Variants in ULK4 observed in about 807,000 individuals in gnomAD.
The protein encoded by ULK4 is inactive serine/threonine-protein kinase ULK4.
Under a neutral mutation model 160.6 loss-of-function variants are expected in ULK4, and 133 were observed. That is an observed-to-expected ratio of 0.83 (90% CI 0.72 to 0.96). ULK4 has a LOEUF of 0.96. Among genes scored for constraint, ULK4 ranks in the 40% least tolerant of loss-of-function variants. The probability of loss-of-function intolerance (pLI) is 0.00; values close to 1 mark genes in which losing one functional copy is unlikely to be tolerated. For missense variants in ULK4, 1,580 were observed against 1,499.5 expected (o/e 1.05, Z -0.89); for synonymous variants, 534 against 539.8 (o/e 0.99, Z 0.15).
At chr3:41,901,782 G>A (rs1034790436) in intron 12 of ULK4, among the ~76,000 whole-genome samples, 4 of 151,840 alleles carry the variant, frequency 2.6e-5, no homozygotes, top group African/African-American at 9.7e-5. Context: ...CCTGACCAAC[G>A]GCTTTATTTT....
intron 22 of ULK4, among the ~76,000 whole-genome samples, chr3:41,732,878 G>A (rs553321695): frequency 1.3e-5 from 2 of 152,012 alleles, no homozygotes. Flanking sequence ...GCATGATCTC[G>A]CTCATATGTG....
At chr3:41,826,788 A>G (rs144418074) in intron 18 of ULK4, among the ~76,000 whole-genome samples, 2 of 141,162 alleles carry the variant, frequency 1.4e-5, no homozygotes, top group African/African-American at 5.6e-5. Context: ...GGAATTGAAC[A>G]CAGCTATGCA....
chr3:41,721,455 C>A (rs2037469950), intron 22 of ULK4, among the ~76,000 whole-genome samples: 1 of 145,592 alleles, frequency 6.9e-6, no homozygotes, highest in Non-Finnish European at 1.5e-5. Context: ...GCAACCTCTG[C>A]CACACAGGTT....
chr3:41,613,299 T>C (rs767765317), intron 31 of ULK4, among the ~76,000 whole-genome samples: 43 of 152,332 alleles, frequency 2.8e-4, no homozygotes, highest in Non-Finnish European at 5.3e-4. Context: ...CGGTTTCTTA[T>C]TACTTAGAAT....
intron 34 of ULK4, among the ~76,000 whole-genome samples, chr3:41,403,255 G>C (rs1270237287): frequency 6.6e-6 from 1 of 152,058 alleles, no homozygotes; most frequent in African/African-American, 2.4e-5. Flanking sequence ...TTGCTTTTTA[G>C]GAGTATTAAA....
At position 41,469,602 on chromosome 3, in the gene ULK4, C is replaced by CAAAAAAAAAAAAAAAAA. The variant is rs71616008; in HGVS notation, c.3227-6366_3227-6350dup. On this transcript the variant is annotated intron_variant, in intron 32 of 36. Transcript: ENST00000301831. ...TGAAAGAGTGAAGGCCTACACCTGC[C>CAAAAAAAAAAAAAAAAA]AAAAAAAAAAAAAAAAAAAAAAAAA... 6.5e-3 allele frequency among the ~76,000 whole-genome samples: 73 copies of CAAAAAAAAAAAAAAAAA among 11,316 alleles called. 1 individual carries two copies. Among genetic ancestry groups the CAAAAAAAAAAAAAAAAA allele is most frequent in the African/African-American group, 6.6e-3 (21 of 3,158 alleles). The allele number at this position is 11,316 out of a possible 152,430, so 7.4% of individuals were successfully genotyped here. A position where few individuals can be genotyped will look rare whatever the true frequency, so the allele number is the denominator to read the frequency against.
intron 22 of ULK4, among the ~76,000 whole-genome samples, chr3:41,745,373 G>GA (rs34887633): frequency 2.0e-5 from 3 of 151,068 alleles, no homozygotes; most frequent in Admixed American, 2.0e-4. Context: ...TGGAATACTA[G>GA]AAAAAAAATT....
intron 19 of ULK4, among the ~76,000 whole-genome samples, chr3:41,815,426 G>C (rs2040934918): frequency 6.6e-6 from 1 of 151,812 alleles, no homozygotes; most frequent in African/African-American, 2.4e-5. Flanking sequence ...GAATACATTT[G>C]TGAATTGACA....
At chr3:41,433,466 A>AGG (rs1209225286) in intron 34 of ULK4, among the ~76,000 whole-genome samples, 3 of 152,226 alleles carry the variant, frequency 2.0e-5, no homozygotes, top group Admixed American at 6.5e-5. Flanking sequence ...TAGCAATTCT[A>AGG]TTTCTAGAAA....
At chr3:41,755,247 C>T (rs1161701647) in intron 21 of ULK4, among the ~76,000 whole-genome samples, 1 of 152,146 alleles carries the variant, frequency 6.6e-6, no homozygotes, top group Non-Finnish European at 1.5e-5. Flanking sequence ...CAGCACCTAA[C>T]AGTAACACTG....
intron 21 of ULK4, among the ~76,000 whole-genome samples, chr3:41,759,189 G>A (rs2038905986): frequency 6.6e-6 from 1 of 151,938 alleles, no homozygotes; most frequent in South Asian, 2.1e-4. Context: ...GCCAGTATAA[G>A]AAGAAAAATA....
At chr3:41,654,793 C>T (rs1361529624) in intron 30 of ULK4, among the ~76,000 whole-genome samples, 1 of 152,094 alleles carries the variant, frequency 6.6e-6, no homozygotes, top group African/African-American at 2.4e-5. Context: ...GAAGAAAGGG[C>T]AAGTTAAAAA....
intron 35 of ULK4, among the ~76,000 whole-genome samples, chr3:41,315,459 A>G (rs979612685): frequency 6.6e-6 from 1 of 152,238 alleles, no homozygotes; most frequent in African/African-American, 2.4e-5. Context: ...TCCCAGAGAA[A>G]CAAGCATAAC....
chr3:41,590,148 G>A (rs937433289), intron 31 of ULK4, among the ~76,000 whole-genome samples: 2 of 151,772 alleles, frequency 1.3e-5, no homozygotes, highest in Non-Finnish European at 2.9e-5. Flanking sequence ...GACTACAGGC[G>A]CCTGCCACCA....
intron 21 of ULK4, among the ~76,000 whole-genome samples, chr3:41,758,584 A>G (rs1214042342): frequency 1.3e-5 from 2 of 152,202 alleles, no homozygotes; most frequent in East Asian, 3.9e-4. Flanking sequence ...GGCTGATTCA[A>G]CATTTGAAAA....
At chr3:41,452,719 A>G (rs543275327) in intron 34 of ULK4, among the ~76,000 whole-genome samples, 127 of 152,244 alleles carry the variant, frequency 8.3e-4, no homozygotes, top group Non-Finnish European at 1.6e-3. Flanking sequence ...AAAGGTTATC[A>G]TCCTTAGGAT....
chr3:41,562,653 T>C (rs2087629947), intron 32 of ULK4, among the ~76,000 whole-genome samples: 1 of 152,188 alleles, frequency 6.6e-6, no homozygotes, highest in Non-Finnish European at 1.5e-5. Context: ...TGGTTTAAAG[T>C]CTGTTTTATC....
chr3:41,394,110 T>C (rs1188649556), intron 35 of ULK4, among the ~76,000 whole-genome samples: 1 of 152,022 alleles, frequency 6.6e-6, no homozygotes, highest in East Asian at 1.9e-4. Context: ...TGAACAACTT[T>C]TACACGTCAG....
At chr3:41,410,897 C>T (rs1284148711) in intron 34 of ULK4, among the ~76,000 whole-genome samples, 2 of 152,162 alleles carry the variant, frequency 1.3e-5, no homozygotes, top group Non-Finnish European at 2.9e-5. Flanking sequence ...CTCGAAAGGA[C>T]ACCAGTCATA....
Sources: gnomAD v4.1 joint callset for allele counts (sites outside exome capture counted in the v4.1 genomes callset) on GRCh38, gnomAD v4.1.1 for gene constraint, MANE v1.5 for transcripts, NCBI Gene and HGNC (gene_info 2026-07-23, HGNC 2026-07-21) for gene names.